SLC25A20: variants seen among roughly 807,000 people sequenced by gnomAD.
The protein encoded by SLC25A20 is mitochondrial carnitine/acylcarnitine carrier protein.
A neutral mutation model predicts 39.7 loss-of-function variants in SLC25A20; 29 were observed. That is an observed-to-expected ratio of 0.73 (90% CI 0.54 to 1.00). The LOEUF (loss-of-function observed/expected upper bound fraction) is 1.00, where lower values mean the gene tolerates loss of function less well. Among genes scored for constraint, SLC25A20 ranks in the 50% least tolerant of loss-of-function variants. The pLI is 0.00. For missense variants in SLC25A20, 333 were observed against 379.9 expected (o/e 0.88, Z 1.03); for synonymous variants, 103 against 142.2 (o/e 0.72, Z 1.96).
chr3:48,888,805 G>A (rs1559671474), intron 2 of SLC25A20, among the ~76,000 whole-genome samples: 1 of 150,488 alleles, frequency 6.6e-6, no homozygotes, highest in Admixed American at 6.6e-5. Flanking sequence ...TATATTTTAG[G>A]GCCAGGCGTG....
intron 2 of SLC25A20, among the ~76,000 whole-genome samples, chr3:48,888,687 CATCACTTACT>C (rs1207722510): frequency 6.6e-6 from 1 of 152,108 alleles, no homozygotes; most frequent in African/African-American, 2.4e-5. Context: ...AGGCTGAGTC[CATCACTTACT>C]ATCACTCCCT....
At chr3:48,878,960 TC>T (rs2083781142) in intron 4 of SLC25A20, among the ~76,000 whole-genome samples, 1 of 151,682 alleles carries the variant, frequency 6.6e-6, no homozygotes, top group African/African-American at 2.4e-5. Flanking sequence ...GCAACCTGTC[TC>T]CCGGGTTCAA....
chr3:48,888,570 A>AAAAT (rs35871910), intron 2 of SLC25A20, among the ~76,000 whole-genome samples: 35,461 of 141,998 alleles, frequency 0.25, 4,682 homozygotes, highest in African/African-American at 0.27. Flanking sequence ...CTCTTGTCTC[A>AAAAT]AAATAAATAA....
At chr3:48,875,025 G>T (rs2083744464) in intron 4 of SLC25A20, among the ~76,000 whole-genome samples, 1 of 141,258 alleles carries the variant, frequency 7.1e-6, no homozygotes, top group Non-Finnish European at 1.5e-5. Context: ...TCGTGCCACT[G>T]CACTCCAGCC....
chr3:48,862,015 T>TG (rs2106638184), intron 5 of SLC25A20, among the ~76,000 whole-genome samples: 1 of 151,886 alleles, frequency 6.6e-6, no homozygotes, highest in East Asian at 1.9e-4. Context: ...GCAACAGGAG[T>TG]GAAACTCCAT....
intron 5 of SLC25A20, among the ~76,000 whole-genome samples, chr3:48,861,780 A>G (rs2083629986): frequency 6.6e-6 from 1 of 151,784 alleles, no homozygotes. Flanking sequence ...TAATCCCGGC[A>G]CCTTGGGAGG....
chr3:48,886,260 C>T lies in SLC25A20; in HGVS notation c.199-2136G>A, dbSNP rs1052670879. On this transcript the variant is annotated intron_variant, in intron 2 of 8. Transcript: ENST00000319017. ...ATAGTAATGGCCGGGTGCGGTGGCT[C>T]ATGCCTGTAATCCCAGCACTTTCAG... 3.3e-5 allele frequency among the ~76,000 whole-genome samples: 5 copies of T among 152,250 alleles called. No homozygotes were observed. In the East Asian group the frequency reaches 9.6e-4, roughly 29 times the overall value.
intron 2 of SLC25A20, among the ~76,000 whole-genome samples, chr3:48,889,523 G>T (rs902250587): frequency 1.3e-5 from 2 of 151,932 alleles, no homozygotes; most frequent in African/African-American, 4.8e-5. Flanking sequence ...ATTCATATGC[G>T]CTTCTGACAT....
Position 48,898,609 on chromosome 3 carries a change from C to G in SLC25A20, c.105+81G>C, listed in dbSNP as rs539851805. 12 of 1,288,734 alleles carry G rather than the reference C, an allele frequency of 9.3e-6. No homozygotes were observed. The Admixed American group carries it at 2.4e-4, about 25-fold the overall frequency. The allele number at this position is 1,288,734 out of a possible 1,614,324, so 79.8% of individuals were successfully genotyped here. Reference sequence around the variant, plus strand: ...TCACACATGCCCCTCTTCTGCCCAGCGTCCGCGCCTCGCGGGGGACCATGC... The same window carrying G: ...TCACACATGCCCCTCTTCTGCCCAGGGTCCGCGCCTCGCGGGGGACCATGC... On this transcript the variant is annotated intron_variant, in intron 1 of 8. Transcript: ENST00000319017.
chr3:48,891,932 C>T (rs553751586), intron 2 of SLC25A20, 48 bp downstream of exon 2: 2 of 1,433,416 alleles, frequency 1.4e-6, no homozygotes, highest in African/African-American at 2.8e-5. Flanking sequence ...CAAATCAACC[C>T]CGTGAATGTG....
chr3:48,876,948 TA>T (rs2083762267), intron 4 of SLC25A20, among the ~76,000 whole-genome samples: 1 of 150,324 alleles, frequency 6.7e-6, no homozygotes, highest in Admixed American at 6.6e-5. Context: ...ATACAAAAAT[TA>T]GCCAGGCGTG....
At position 48,863,454 on chromosome 3, in the gene SLC25A20, C is replaced by G. The variant is rs1031005968; in HGVS notation, c.418-795G>C. Among the ~76,000 whole-genome samples, 6 of 152,018 alleles carry G rather than the reference C, an allele frequency of 3.9e-5. No homozygotes were observed. The South Asian group carries it at 1.2e-3, about 32-fold the overall frequency. On this transcript the variant is annotated intron_variant, in intron 4 of 8. Transcript: ENST00000319017. ...CTCCTATGCAGAGCCAGAGGAGGGC[C>G]AAAGAGAGGCTCCTACCCCGCCCCT...
At chr3:48,883,351 G>A (rs564575949) in intron 3 of SLC25A20, among the ~76,000 whole-genome samples, 3 of 152,064 alleles carry the variant, frequency 2.0e-5, no homozygotes, top group East Asian at 3.9e-4. Context: ...TCAGGAGATC[G>A]TGACCAGCCT....
chr3:48,859,073 C>A lies in SLC25A20; in HGVS notation c.718+19G>T. ...GGGGACCCACTCTCCCCCTGTCCACCCCACTACCTTCCACTCACCAGTCTG... is the reference window on the plus strand; with the variant it reads ...GGGGACCCACTCTCCCCCTGTCCACACCACTACCTTCCACTCACCAGTCTG... On this transcript the variant is annotated intron_variant, in intron 7 of 8. Transcript: ENST00000319017. 1 of 1,604,056 alleles carries A rather than the reference C, an allele frequency of 6.2e-7. No individual in the cohort carries two copies. Among genetic ancestry groups the A allele is most frequent in the Non-Finnish European group, 8.5e-7 (1 of 1,171,392 alleles).
intron 4 of SLC25A20, among the ~76,000 whole-genome samples, chr3:48,863,479 T>C (rs912651970): frequency 3.3e-5 from 5 of 152,068 alleles, no homozygotes; most frequent in Admixed American, 1.3e-4. Context: ...ACCCCGCCCC[T>C]GAGAGCCAAG....
intron 2 of SLC25A20, among the ~76,000 whole-genome samples, chr3:48,890,651 CTTTTTT>C (rs71077750): frequency 1.3e-5 from 1 of 78,130 alleles, no homozygotes; most frequent in African/African-American, 5.5e-5. Flanking sequence ...GCCCCCTTGT[CTTTTTT>C]TTTTTTTTTT....
intron 4 of SLC25A20, among the ~76,000 whole-genome samples, chr3:48,867,354 T>A (rs2083678971): frequency 6.6e-6 from 1 of 151,138 alleles, no homozygotes; most frequent in African/African-American, 2.4e-5. Flanking sequence ...CAAGTGATTC[T>A]CCTGCCTCAG....
At position 48,862,562 on chromosome 3, in the gene SLC25A20, G is replaced by A; in HGVS notation, c.515C>T (p.Thr172Ile). The change falls in exon 5 of 9, where the codon ACT becomes ATT. Residue 172 changes from threonine to isoleucine, a missense_variant. Physicochemically the swap from Thr to Ile is moderately conservative, Grantham distance 89 (BLOSUM62 -1). Coordinates refer to ENST00000319017, the MANE Select transcript of SLC25A20 (RefSeq NM_000387.6). ...GTTACCTCGCATAAGGGTAAGCACA[G>A]TCCCTTTGTAGATGCCTCGGATCCC... Reference protein sequence around the residue: ...EFGIRGIYKGTVLTLMRDVPA... With the variant: ...EFGIRGIYKGIVLTLMRDVPA... 1.2e-6 allele frequency: 2 copies of A among 1,613,136 alleles called. No individual in the cohort carries two copies.
At chr3:48,866,882 C>G (rs1309153266) in intron 4 of SLC25A20, among the ~76,000 whole-genome samples, 13 of 152,108 alleles carry the variant, frequency 8.5e-5, no homozygotes, top group Admixed American at 8.5e-4. Context: ...CAACCTCTGC[C>G]TCCCAGGTTC....
Sources: allele counts gnomAD v4.1 joint callset (sites outside exome capture counted in the v4.1 genomes callset), GRCh38; gene constraint gnomAD v4.1.1; transcripts MANE v1.5; gene names NCBI Gene and HGNC (gene_info 2026-07-23, HGNC 2026-07-21).